Variants in ALMS1 observed in about 807,000 individuals in gnomAD.
The protein encoded by ALMS1 is ALMS1 centrosome and basal body associated protein, also known as centrosome-associated protein ALMS1.
In ALMS1, 271 loss-of-function variants were observed where a neutral mutation model predicts 352.2. The ratio of observed to expected loss-of-function variants is 0.77; its 90% CI spans 0.70 to 0.85. The LOEUF (loss-of-function observed/expected upper bound fraction) is 0.85, where lower values mean the gene tolerates loss of function less well. Among genes scored for constraint, ALMS1 ranks in the 40% least tolerant of loss-of-function variants. The pLI, the probability that ALMS1 is intolerant of heterozygous loss-of-function variation, is 0.00. For synonymous variants in ALMS1, 1,865 were observed against 1,761.2 expected (o/e 1.06, Z -1.48); for missense variants, 5,445 against 4,870.7 (o/e 1.12, Z -3.51).
In ALMS1 at chr2:73,402,270, CTTTT is replaced by C. The variant is rs61360284; in HGVS notation, c.325-6334_325-6331del. Among the ~76,000 whole-genome samples, 5 of 122,808 alleles carry C rather than the reference CTTTT, an allele frequency of 4.1e-5. No individual in the cohort carries two copies. The East Asian group carries it at 7.3e-4, about 18-fold the overall frequency. 80.6% of individuals were successfully genotyped at this position (122,808 alleles called of 152,430 possible). A position where few individuals can be genotyped will look rare whatever the true frequency, so the allele number is the denominator to read the frequency against. ...CTTTCTTTTCTTTCTTTCTCTCTCT[CTTTT>C]TTTTTTTTTTTTTTTTTAAGACAGA... is the stretch of plus-strand genomic sequence containing the variant. On this transcript the variant is annotated intron_variant, in intron 1 of 22. Coordinates refer to ENST00000613296, the MANE Select transcript of ALMS1 (RefSeq NM_001378454.1).
At chr2:73,414,039 C>T (rs775784423) in intron 2 of ALMS1, among the ~76,000 whole-genome samples, 7 of 152,042 alleles carry the variant, frequency 4.6e-5, no homozygotes, top group African/African-American at 7.2e-5. Flanking sequence ...AGAATTAGCT[C>T]GCCCAATTTA....
At chr2:73,485,867 T>C (rs866424172) in intron 9 of ALMS1, among the ~76,000 whole-genome samples, 2 of 152,108 alleles carry the variant, frequency 1.3e-5, no homozygotes, top group African/African-American at 2.4e-5. Context: ...TTTCTTTGAC[T>C]AGGAAAGGGA....
At chr2:73,499,951 T>C (rs1452254449) in intron 10 of ALMS1, among the ~76,000 whole-genome samples, 1 of 152,138 alleles carries the variant, frequency 6.6e-6, no homozygotes, top group Admixed American at 6.5e-5. Flanking sequence ...GCTTCCTGAG[T>C]TCCTCACCAG....
At chr2:73,557,980 G>A (rs766080188) in intron 14 of ALMS1, among the ~76,000 whole-genome samples, 3 of 152,130 alleles carry the variant, frequency 2.0e-5, no homozygotes, top group Non-Finnish European at 2.9e-5. Context: ...AACATTTTTG[G>A]CCTTCATTCT....
At chr2:73,481,045 T>C (rs1425161383) in intron 9 of ALMS1, among the ~76,000 whole-genome samples, 2 of 151,644 alleles carry the variant, frequency 1.3e-5, no homozygotes, top group Admixed American at 6.6e-5. Flanking sequence ...ACTCTGATGG[T>C]AGTTTCTTTT....
rs375923289 is a variant in ALMS1, at chr2:73,601,327, G to A, written c.12005G>A (p.Arg4002Gln). ...TKTRPWREPL[R>Q]EQNCQGQHLD... ...ACCAGACCCTGGAGGGAGCCACTGC[G>A]GGAGCAGAACTGTCAGGGGCAGCAC... Residue 4002 changes from arginine to glutamine, a missense_variant, in exon 19 of 23, where the codon CGG (arginine) becomes CAG (glutamine). Coordinates refer to ENST00000613296, the MANE Select transcript of ALMS1 (RefSeq NM_001378454.1). 37 of 1,614,180 alleles carry A rather than the reference G, an allele frequency of 2.3e-5. No individual in the cohort carries two copies. Among genetic ancestry groups the A allele is most frequent in the African/African-American group, 1.6e-4 (12 of 75,038 alleles).
chr2:73,494,715 G>C (rs950487366), intron 10 of ALMS1, among the ~76,000 whole-genome samples: 23 of 152,346 alleles, frequency 1.5e-4, no homozygotes, highest in Admixed American at 9.1e-4. Context: ...ACAACAGAGA[G>C]CACATTATGT....
intron 16 of ALMS1, among the ~76,000 whole-genome samples, chr2:73,598,875 GAACGT>G (rs537503080): frequency 4.6e-4 from 70 of 152,226 alleles, no homozygotes; most frequent in African/African-American, 1.7e-3. Context: ...TACTTGCTCT[GAACGT>G]AATTTAAAAG....
intron 10 of ALMS1, among the ~76,000 whole-genome samples, chr2:73,503,547 C>T (rs1400611406): frequency 1.6e-4 from 25 of 151,970 alleles, no homozygotes; most frequent in Admixed American, 3.9e-4. Flanking sequence ...TGAATAGTGC[C>T]GCAATAAACA....
intron 16 of ALMS1, among the ~76,000 whole-genome samples, chr2:73,587,095 A>G (rs146431503): frequency 1.3e-5 from 2 of 152,302 alleles, no homozygotes; most frequent in East Asian, 3.9e-4. Context: ...GTTGGTGCAT[A>G]GCAGTGCTAC....
intron 15 of ALMS1, among the ~76,000 whole-genome samples, chr2:73,569,869 A>T (rs909717755): frequency 2.0e-5 from 3 of 152,192 alleles, no homozygotes; most frequent in Admixed American, 2.0e-4. Flanking sequence ...CTTGTTAAGG[A>T]GTTTGGGCTT....
rs770879267 is a variant in ALMS1 at position 73,517,246 on chromosome 2, CT to C, written c.9540-2512del. ...CAAGTGATTTTTTGAAAGTTTTAGTCTTTTTTTTTTTTTTTTTCTTATAGAG... is the reference window on the plus strand; with the variant it reads ...CAAGTGATTTTTTGAAAGTTTTAGTCTTTTTTTTTTTTTTTTCTTATAGAG... On this transcript the variant is annotated intron_variant, in intron 10 of 22. Coordinates refer to ENST00000613296, the MANE Select transcript of ALMS1 (RefSeq NM_001378454.1). Among the ~76,000 whole-genome samples, 723 of 104,946 alleles carry C rather than the reference CT, an allele frequency of 6.9e-3. 10 individuals carry two copies. The highest frequency in any genetic ancestry group is 0.021 in the Middle Eastern group (4 of 190). 68.8% of individuals were successfully genotyped at this position (104,946 alleles called of 152,430 possible).
chr2:73,496,568 T>C (rs1372372533), intron 10 of ALMS1, among the ~76,000 whole-genome samples: 2 of 144,040 alleles, frequency 1.4e-5, no homozygotes, highest in South Asian at 4.2e-4. Context: ...TTTTTGTTTC[T>C]CTACAGTAAA....
intron 20 of ALMS1, 69 bp downstream of exon 20, chr2:73,602,437 GC>G: frequency 6.3e-7 from 1 of 1,578,368 alleles, no homozygotes. Flanking sequence ...CTGCTGCAGA[GC>G]CCTGCTAAAG....
rs751591632 is a variant in ALMS1 at position 73,558,967 on chromosome 2, C to T, written c.10214-5C>T. On this transcript the variant is annotated splice_region_variant and splice_polypyrimidine_tract_variant and intron_variant, in intron 14 of 22. Coordinates refer to ENST00000613296, the MANE Select transcript of ALMS1 (RefSeq NM_001378454.1). ...CTGTATAGTGTGTTAATTTCCCTTT[C>T]GTAGATTCCAGTGCTGCTGCTGCTG... is the stretch of plus-strand genomic sequence containing the variant. 7.4e-6 allele frequency: 12 copies of T among 1,613,668 alleles called. No homozygotes were observed. Among genetic ancestry groups the T allele is most frequent in the Non-Finnish European group, 1.0e-5 (12 of 1,179,864 alleles).
intron 10 of ALMS1, among the ~76,000 whole-genome samples, chr2:73,499,227 C>T (rs1673170723): frequency 6.6e-6 from 1 of 152,044 alleles, no homozygotes. Context: ...ATTGTTTGAG[C>T]TCTTTATGTA....
At chr2:73,398,614 C>T (rs560303773) in intron 1 of ALMS1, among the ~76,000 whole-genome samples, 1 of 152,200 alleles carries the variant, frequency 6.6e-6, no homozygotes, top group Admixed American at 6.5e-5. Context: ...TGATTTCATT[C>T]ATCGAGTTTT....
rs186998728 is a variant in ALMS1 at position 73,543,900 on chromosome 2, C to T, written c.9908-6367C>T. Among the ~76,000 whole-genome samples the T allele has an allele frequency of 4.5e-3, 689 of 152,288 alleles. 5 individuals are homozygous for T. The highest frequency in any genetic ancestry group is 0.016 in the African/African-American group (655 of 41,572). The stretch of plus-strand genomic sequence containing the variant: ...GAGAGGAGGTGGAGAAATAAGAACA[C>T]TTTTACACTGTTGGTGGGACTGTAA... On this transcript the variant is annotated intron_variant, in intron 12 of 22. Transcript: ENST00000613296.
intron 9 of ALMS1, among the ~76,000 whole-genome samples, chr2:73,471,196 T>A (rs1046533197): frequency 6.6e-6 from 1 of 151,594 alleles, no homozygotes; most frequent in African/African-American, 2.4e-5. Flanking sequence ...TCTTCCTTTG[T>A]GATTTGTTGA....
Sources: gnomAD v4.1 joint callset for allele counts (sites outside exome capture counted in the v4.1 genomes callset) on GRCh38, gnomAD v4.1.1 for gene constraint, MANE v1.5 for transcripts, NCBI Gene and HGNC (gene_info 2026-07-23, HGNC 2026-07-21) for gene names.